Variants in NPIPA6 observed in about 807,000 individuals in gnomAD.
The protein encoded by NPIPA6 is nuclear pore complex-interacting protein family member A6.
At chr16:16,343,713 T>TG in the NPIPA6 span, among the ~76,000 whole-genome samples, 7 of 81,500 alleles carry the variant, frequency 8.6e-5, no homozygotes, top group East Asian at 9.2e-4. Context: ...TTCTTGTGTG[T>TG]TGTGTGTGTG....
the NPIPA6 span, among the ~76,000 whole-genome samples, chr16:16,333,400 TAAAA>T: frequency 1.4e-5 from 1 of 72,464 alleles, no homozygotes; most frequent in East Asian, 5.1e-4. Flanking sequence ...AGACTCCATC[TAAAA>T]AAAAAAAAAA....
chr16:16,337,138 A>T, the NPIPA6 span, among the ~76,000 whole-genome samples: 1 of 85,036 alleles, frequency 1.2e-5, no homozygotes, highest in South Asian at 4.9e-4. Flanking sequence ...GTGAGCCGAG[A>T]TGGCCCCGCT....
the NPIPA6 span, among the ~76,000 whole-genome samples, chr16:16,338,621 C>T: frequency 1.0e-4 from 5 of 48,464 alleles, no homozygotes; most frequent in African/African-American, 3.1e-4. Flanking sequence ...CCTGATCTCG[C>T]GGTCCACCCA....
chr16:16,343,445 G>A, the NPIPA6 span, among the ~76,000 whole-genome samples: 1 of 49,062 alleles, frequency 2.0e-5, no homozygotes, highest in Non-Finnish European at 3.8e-5. Context: ...TGCCCATGTT[G>A]GAGTGCAATG....
chr16:16,336,524 CCTT>C, the NPIPA6 span, among the ~76,000 whole-genome samples: 1 of 46,360 alleles, frequency 2.2e-5, no homozygotes, highest in Admixed American at 2.0e-4. Context: ...CCAACAGCCC[CCTT>C]CTCCTCCTTT....
At chr16:16,343,632 G>T in the NPIPA6 span, among the ~76,000 whole-genome samples, 1 of 124,996 alleles carries the variant, frequency 8.0e-6, no homozygotes, top group South Asian at 2.8e-4. Context: ...CCGACCTCAG[G>T]TTATCCGCCT....
the NPIPA6 span, among the ~76,000 whole-genome samples, chr16:16,343,398 T>TA: frequency 7.3e-4 from 15 of 20,646 alleles, no homozygotes; most frequent in Admixed American, 3.6e-3. Context: ...GCCTATATAT[T>TA]TTTTTTTTTT....
the NPIPA6 span, among the ~76,000 whole-genome samples, chr16:16,337,006 AC>A: frequency 4.6e-5 from 2 of 43,904 alleles, no homozygotes; most frequent in African/African-American, 2.2e-4. Context: ...TCATAGCGAA[AC>A]CCCATCTCTA....
chr16:16,343,716 TGTGTG>T, the NPIPA6 span, among the ~76,000 whole-genome samples: 1 of 46,152 alleles, frequency 2.2e-5, no homozygotes, highest in African/African-American at 8.1e-5. Context: ...TTGTGTGTTG[TGTGTG>T]TGTGTGTGTG....
At chr16:16,343,705 CTTGTGTGTT>C in the NPIPA6 span, among the ~76,000 whole-genome samples, 1 of 113,060 alleles carries the variant, frequency 8.8e-6, no homozygotes, top group East Asian at 3.2e-4. Context: ...TCATGTCATT[CTTGTGTGTT>C]GTGTGTGTGT....
At chr16:16,343,719 G>A in the NPIPA6 span, among the ~76,000 whole-genome samples, 1 of 78,056 alleles carries the variant, frequency 1.3e-5, no homozygotes, top group African/African-American at 5.2e-5. Flanking sequence ...TGTGTTGTGT[G>A]TGTGTGTGTG....
At chr16:16,343,093 ATTTT>A in the NPIPA6 span, among the ~76,000 whole-genome samples, 5 of 86,176 alleles carry the variant, frequency 5.8e-5, no homozygotes, top group African/African-American at 1.9e-4. Context: ...TATTCATGTC[ATTTT>A]TTTTTTTTTT....
At chr16:16,343,790 G>A in the NPIPA6 span, among the ~76,000 whole-genome samples, 2 of 61,484 alleles carry the variant, frequency 3.3e-5, no homozygotes, top group Non-Finnish European at 6.0e-5. Context: ...GTGTGATCTC[G>A]GCTCACTGCA....
At chr16:16,343,433 G>T in the NPIPA6 span, among the ~76,000 whole-genome samples, 10 of 36,712 alleles carry the variant, frequency 2.7e-4, no homozygotes, top group South Asian at 1.0e-3. Flanking sequence ...TTTGAATTTT[G>T]TTGCCCATGT....
the NPIPA6 span, chr16:16,336,705 G>C: frequency 9.4e-5 from 3 of 31,878 alleles, no homozygotes; most frequent in East Asian, 2.4e-3. Context: ...GGACATGCGG[G>C]TGCGGTGGCT....
the NPIPA6 span, among the ~76,000 whole-genome samples, chr16:16,339,456 CAA>C: frequency 4.1e-4 from 28 of 68,102 alleles, 1 homozygote; most frequent in African/African-American, 9.5e-4. Context: ...CCCATCTCCA[CAA>C]AAAATACAAA....
At chr16:16,337,679 A>T in the NPIPA6 span, among the ~76,000 whole-genome samples, 1 of 45,434 alleles carries the variant, frequency 2.2e-5, no homozygotes, top group Non-Finnish European at 3.9e-5. Context: ...GCTCACCGCA[A>T]CCTCTGCTTC....
chr16:16,338,378 T>C, the NPIPA6 span, among the ~76,000 whole-genome samples: 5 of 123,914 alleles, frequency 4.0e-5, no homozygotes, highest in African/African-American at 1.4e-4. Context: ...ATCTCCACCT[T>C]GGTAATTTTT....
the NPIPA6 span, among the ~76,000 whole-genome samples, chr16:16,337,202 G>C: frequency 9.7e-4 from 111 of 113,944 alleles, 2 homozygotes; most frequent in Non-Finnish European, 1.5e-3. Context: ...AATGTCATTT[G>C]ATTTGTGTCA....
Sources: gnomAD v4.1 joint callset for allele counts (sites outside exome capture counted in the v4.1 genomes callset) on GRCh38, gnomAD v4.1.1 for gene constraint, MANE v1.5 for transcripts, NCBI Gene and HGNC (gene_info 2026-07-23, HGNC 2026-07-21) for gene names.